Variants in MC2R observed in about 807,000 individuals in gnomAD.
MC2R encodes melanocortin 2 receptor.
Under a neutral mutation model 9.8 loss-of-function variants are expected in MC2R, and 9 were observed. That is an observed-to-expected ratio of 0.92 (90% CI 0.55 to 1.60). The LOEUF (loss-of-function observed/expected upper bound fraction) is 1.60. Among genes scored for constraint, MC2R ranks in the 40% most tolerant of loss-of-function variants. The pLI is 0.00. For synonymous variants in MC2R, 185 were observed against 154.7 expected, an observed-to-expected ratio of 1.20 and a Z score of -1.45; for missense variants, 370 against 389.0, an observed-to-expected ratio of 0.95 and a Z score of 0.41.
At chr18:13,899,832 A>G (rs908147631) in intron 1 of MC2R, among the ~76,000 whole-genome samples, 1 of 152,194 alleles carries the variant, frequency 6.6e-6, no homozygotes, top group African/African-American at 2.4e-5. Flanking sequence ...CATCAACACT[A>G]GAACTGTTCT....
intron 1 of MC2R, among the ~76,000 whole-genome samples, chr18:13,898,849 G>A (rs1008445716): frequency 6.6e-6 from 1 of 152,192 alleles, no homozygotes; most frequent in African/African-American, 2.4e-5. Flanking sequence ...GTAAGGCTTA[G>A]ATCACAACTC....
Position 13,901,869 on chromosome 18 carries a change from CA to C in MC2R, c.-129+13618del, listed in dbSNP as rs2045381887. Reference sequence around the variant, plus strand: ...AAAATAGAGGAGGAAGGAACACTTCCAAACTCATTCTACAATACCAGTATTA... The same window carrying C: ...AAAATAGAGGAGGAAGGAACACTTCCAACTCATTCTACAATACCAGTATTA... On this transcript the variant is annotated intron_variant, in intron 1 of 1. Transcript: ENST00000327606. Among the ~76,000 whole-genome samples, 3 of 152,160 alleles carry C rather than the reference CA, an allele frequency of 2.0e-5. No homozygotes were observed. In the South Asian group the frequency reaches 6.2e-4, roughly 32 times the overall value.
At chr18:13,913,938 A>G (rs144472639) in intron 1 of MC2R, among the ~76,000 whole-genome samples, 3 of 152,278 alleles carry the variant, frequency 2.0e-5, no homozygotes, top group Middle Eastern at 3.4e-3. Flanking sequence ...CAGCAATTAT[A>G]TTTGCCTAAT....
chr18:13,912,631 T>C (rs1735269004), intron 1 of MC2R, among the ~76,000 whole-genome samples: 1 of 152,228 alleles, frequency 6.6e-6, no homozygotes, highest in Admixed American at 6.5e-5. Flanking sequence ...TCTGTTGAAA[T>C]AGGAAAAATT....
Position 13,904,892 on chromosome 18 carries a change from C to A in MC2R, c.-129+10596G>T, listed in dbSNP as rs142941332. Reference sequence around the variant, plus strand: ...CCCCTTCCTTATACCTTATACAAGACGAATTAAATACTTAAATGTAAAACC... The same window carrying A: ...CCCCTTCCTTATACCTTATACAAGAAGAATTAAATACTTAAATGTAAAACC... On this transcript the variant is annotated intron_variant, in intron 1 of 1. Coordinates refer to ENST00000327606, the MANE Select transcript of MC2R (RefSeq NM_000529.2). Among the ~76,000 whole-genome samples the A allele has an allele frequency of 4.3e-4, 65 of 151,856 alleles. 2 individuals are homozygous for A. In the East Asian group the frequency reaches 0.012, roughly 27 times the overall value.
At chr18:13,886,871 G>T (rs529249109) in intron 1 of MC2R, among the ~76,000 whole-genome samples, 2 of 152,274 alleles carry the variant, frequency 1.3e-5, no homozygotes, top group Admixed American at 1.3e-4. Flanking sequence ...GACTTGTCTG[G>T]AAAGGAACTA....
chr18:13,912,663 G>A (rs7226699), intron 1 of MC2R, among the ~76,000 whole-genome samples: 3 of 152,010 alleles, frequency 2.0e-5, no homozygotes, highest in Non-Finnish European at 2.9e-5. Flanking sequence ...GAATTTCTAC[G>A]TTGTTTTCTG....
At chr18:13,890,380 G>A (rs1394068695) in intron 1 of MC2R, among the ~76,000 whole-genome samples, 2 of 152,304 alleles carry the variant, frequency 1.3e-5, no homozygotes, top group South Asian at 2.1e-4. Context: ...AAGAGCTGGG[G>A]AAGGAGGACT....
chr18:13,892,819 C>A (rs930391042), intron 1 of MC2R, among the ~76,000 whole-genome samples: 1 of 149,858 alleles, frequency 6.7e-6, no homozygotes, highest in African/African-American at 2.5e-5. Context: ...CACACACACA[C>A]ACACACACAC....
intron 1 of MC2R, among the ~76,000 whole-genome samples, chr18:13,890,250 C>A (rs747003030): frequency 6.6e-6 from 1 of 152,160 alleles, no homozygotes; most frequent in South Asian, 2.1e-4. Flanking sequence ...GGGCTGCAGG[C>A]GTCCTGGGGC....
At chr18:13,897,765 C>T (rs931589276) in intron 1 of MC2R, among the ~76,000 whole-genome samples, 4 of 152,044 alleles carry the variant, frequency 2.6e-5, no homozygotes, top group African/African-American at 9.7e-5. Context: ...TCTAGACACA[C>T]CCTGGGCCAG....
chr18:13,902,677 C>T (rs1400491856), intron 1 of MC2R, among the ~76,000 whole-genome samples: 1 of 152,120 alleles, frequency 6.6e-6, no homozygotes, highest in Non-Finnish European at 1.5e-5. Flanking sequence ...TCATGCCATA[C>T]ACAAAAATCA....
intron 1 of MC2R, among the ~76,000 whole-genome samples, chr18:13,903,176 C>T (rs1424838784): frequency 6.6e-6 from 1 of 152,008 alleles, no homozygotes; most frequent in Non-Finnish European, 1.5e-5. Context: ...GGTTTATATC[C>T]AAAAGACAGG....
intron 1 of MC2R, among the ~76,000 whole-genome samples, chr18:13,911,628 G>A (rs189816705): frequency 3.9e-5 from 6 of 152,298 alleles, no homozygotes; most frequent in Admixed American, 3.9e-4. Flanking sequence ...CATGAGTGCA[G>A]CGGGTAGCTT....
At chr18:13,908,268 A>G (rs2045425019) in intron 1 of MC2R, among the ~76,000 whole-genome samples, 2 of 152,210 alleles carry the variant, frequency 1.3e-5, no homozygotes, top group African/African-American at 4.8e-5. Flanking sequence ...GAAATAAAGC[A>G]AGCACAGAAA....
intron 1 of MC2R, among the ~76,000 whole-genome samples, chr18:13,886,045 G>C (rs1241260068): frequency 3.3e-5 from 5 of 151,234 alleles, no homozygotes; most frequent in African/African-American, 1.2e-4. Context: ...CGTGGATATA[G>C]AGTGTGGAAT....
intron 1 of MC2R, among the ~76,000 whole-genome samples, chr18:13,906,282 A>G (rs1392725455): frequency 1.3e-5 from 2 of 152,200 alleles, no homozygotes; most frequent in East Asian, 3.9e-4. Context: ...CTTTGCAGGG[A>G]CATGGATAAA....
chr18:13,891,396 C>T (rs769449427), intron 1 of MC2R, among the ~76,000 whole-genome samples: 16 of 152,158 alleles, frequency 1.1e-4, no homozygotes, highest in East Asian at 3.9e-4. Flanking sequence ...TAATCATCTA[C>T]GTATATAGTT....
At chr18:13,902,805 G>A (rs112343276) in intron 1 of MC2R, among the ~76,000 whole-genome samples, 3,433 of 152,080 alleles carry the variant, frequency 0.023, 111 homozygotes, top group African/African-American at 0.079. Flanking sequence ...AGTAATACCC[G>A]ACAAGCACAG....
Sources: allele counts gnomAD v4.1 joint callset (sites outside exome capture counted in the v4.1 genomes callset), GRCh38; gene constraint gnomAD v4.1.1; transcripts MANE v1.5; gene names NCBI Gene and HGNC (gene_info 2026-07-23, HGNC 2026-07-21).